Variants in MBP observed in about 807,000 individuals in gnomAD.
MBP encodes the protein Golli-MBP.
MBP carries 16 observed loss-of-function variants against 35.8 expected under a neutral mutation model. The observed-to-expected ratio is 0.45, with a 90% CI of 0.30 to 0.68. MBP has a LOEUF of 0.68. MBP is among the 30% of genes least tolerant of loss of function. The pLI, the probability that MBP is intolerant of heterozygous loss-of-function variation, is 0.08. For synonymous variants in MBP, 143 were observed against 159.6 expected (o/e 0.90, Z 0.78); for missense variants, 380 against 404.7 (o/e 0.94, Z 0.52).
chr18:77,109,446 T>C (rs892306983), intron 1 of MBP: 3 of 152,170 alleles, frequency 2.0e-5, no homozygotes, highest in African/African-American at 7.2e-5. Context: ...AGGAAGGACA[T>C]TCACGAGACA....
Position 77,131,025 on chromosome 18 carries a change from C to CAAAA in MBP, c.-26+1551_-26+1554dup, listed in dbSNP as rs56844180. Among the ~76,000 whole-genome samples, 357 of 130,088 alleles carry CAAAA rather than the reference C, an allele frequency of 2.7e-3. 5 individuals are homozygous for CAAAA. The highest frequency in any genetic ancestry group is 9.8e-3 in the African/African-American group (334 of 34,226). The allele number at this position is 130,088 out of a possible 152,430, so 85.3% of individuals were successfully genotyped here. On this transcript the variant is annotated intron_variant, in intron 1 of 8. Coordinates refer to ENST00000355994, the MANE Select transcript of MBP (RefSeq NM_001025101.2). The surrounding 1 kb of genome is among the most constrained non-coding windows in gnomAD (Gnocchi z 5.5). ...TTCCCTCAGATTTCTGTTTTTCCCA[C>CAAAA]AAAAAAAAAAAAAAAACAAAACCTC...
chr18:77,003,125 T>C (rs1245815479), intron 4 of MBP: 1 of 152,258 alleles, frequency 6.6e-6, no homozygotes, highest in East Asian at 1.9e-4. Context: ...CAATTTTCTC[T>C]GTCATTTTAA....
At chr18:77,091,571 T>A (rs1975521926) in intron 2 of MBP, among the ~76,000 whole-genome samples, 1 of 148,986 alleles carries the variant, frequency 6.7e-6, no homozygotes, top group Non-Finnish European at 1.5e-5. Context: ...GGATGACGTC[T>A]GCAGGGCAAG....
At chr18:77,084,227 T>A (rs972720100) in intron 2 of MBP, among the ~76,000 whole-genome samples, 1 of 152,050 alleles carries the variant, frequency 6.6e-6, no homozygotes, top group Admixed American at 6.5e-5. Flanking sequence ...TGGCAGTGTG[T>A]AAATAATGAG....
At chr18:77,040,411 A>G (rs1277302895) in intron 3 of MBP, among the ~76,000 whole-genome samples, 2 of 152,234 alleles carry the variant, frequency 1.3e-5, no homozygotes, top group African/African-American at 2.4e-5. Flanking sequence ...GACTTTCTTC[A>G]CAGAATTGGA....
In MBP at chr18:77,016,737, C is replaced by T. The variant is rs1464355410; in HGVS notation, c.576+95G>A. The T allele has an allele frequency of 8.6e-6, 13 of 1,518,296 alleles. No homozygotes were observed. In the Middle Eastern group the frequency reaches 5.2e-4, roughly 61 times the overall value. 94.1% of individuals were successfully genotyped at this position (1,518,296 alleles called of 1,614,324 possible). ...CGAGACCTTAGACAGCAAGAGGCTA[C>T]GTGCCAGTTCTTCCTCTAATGGCTG... On this transcript the variant is annotated intron_variant, in intron 4 of 8. Coordinates refer to ENST00000355994, the MANE Select transcript of MBP (RefSeq NM_001025101.2).
At chr18:77,090,995 AG>A (rs1975497459) in intron 2 of MBP, among the ~76,000 whole-genome samples, 2 of 152,238 alleles carry the variant, frequency 1.3e-5, no homozygotes, top group Admixed American at 6.5e-5. Context: ...CTGCTGTGAG[AG>A]GGCAGAGAGT....
intron 4 of MBP, chr18:77,009,733 G>A (rs557196267): frequency 1.1e-6 from 1 of 896,802 alleles, no homozygotes; most frequent in African/African-American, 1.7e-5. Flanking sequence ...ATGCCCCGGA[G>A]GCTGGGGGTG....
intron 2 of MBP, among the ~76,000 whole-genome samples, chr18:77,080,117 AC>A (rs1320856622): frequency 2.6e-5 from 4 of 152,228 alleles, no homozygotes; most frequent in African/African-American, 9.6e-5. Context: ...AGTTCTTATA[AC>A]CTTGCAAACT....
intron 4 of MBP, chr18:77,014,333 C>T (rs987291131): frequency 6.1e-6 from 6 of 985,334 alleles, no homozygotes; most frequent in African/African-American, 1.7e-5. Flanking sequence ...GGGAGGAGGA[C>T]AAACAGCCCC....
chr18:77,096,465 T>TAA (rs5826493), intron 2 of MBP, among the ~76,000 whole-genome samples: 2,047 of 151,560 alleles, frequency 0.014, 55 homozygotes, highest in East Asian at 0.068. Context: ...GCAGCTTAAA[T>TAA]AAAAAAAAAT....
At chr18:77,099,170 G>A (rs1016267599) in intron 2 of MBP, among the ~76,000 whole-genome samples, 1 of 152,184 alleles carries the variant, frequency 6.6e-6, no homozygotes, top group African/African-American at 2.4e-5. Context: ...AACGAGCAAT[G>A]GGTACCATGC....
At chr18:77,057,538 T>G (rs2144739930) in intron 3 of MBP, among the ~76,000 whole-genome samples, 3 of 152,174 alleles carry the variant, frequency 2.0e-5, no homozygotes, top group Middle Eastern at 3.4e-3. Flanking sequence ...AGTGATTATC[T>G]CTAAGGACAA....
chr18:77,118,622 A>C (rs1976777534), intron 1 of MBP, among the ~76,000 whole-genome samples: 1 of 136,580 alleles, frequency 7.3e-6, no homozygotes, highest in Non-Finnish European at 1.6e-5. Context: ...CCACACACAC[A>C]CACACACACA....
chr18:77,085,928 T>A (rs772874672), intron 2 of MBP, among the ~76,000 whole-genome samples: 2 of 152,034 alleles, frequency 1.3e-5, no homozygotes, highest in Non-Finnish European at 2.9e-5. Context: ...GTGATCCACC[T>A]GCCTCAGCCT....
chr18:76,985,057 G>A, intron 7 of MBP, 163 bp from the exon 8 acceptor site: 3 of 1,477,794 alleles, frequency 2.0e-6, no homozygotes, highest in Non-Finnish European at 2.7e-6. Flanking sequence ...AGGGGGTGGG[G>A]GCGGGAGAGG....
intron 2 of MBP, chr18:77,066,712 T>C (rs1397759535): frequency 5.5e-6 from 3 of 547,610 alleles, no homozygotes; most frequent in Non-Finnish European, 3.5e-6. Context: ...ACATAGTTAC[T>C]GCTTTAGATT....
chr18:77,038,656 T>C (rs1972867219), intron 3 of MBP, among the ~76,000 whole-genome samples: 1 of 152,248 alleles, frequency 6.6e-6, no homozygotes, highest in Non-Finnish European at 1.5e-5. Context: ...TATGGGTGCA[T>C]ATATGCATAT....
At chr18:77,069,031 T>C (rs531865071) in intron 2 of MBP, 2 of 481,660 alleles carry the variant, frequency 4.2e-6, no homozygotes, top group South Asian at 3.0e-5. Flanking sequence ...GCCTGTGACT[T>C]CTGCGGATTT....
Sources: gnomAD v4.1 joint callset for allele counts (sites outside exome capture counted in the v4.1 genomes callset) on GRCh38, gnomAD v4.1.1 for gene constraint, Gnocchi (gnomAD v3.1) non-coding constraint, MANE v1.5 for transcripts, NCBI Gene and HGNC (gene_info 2026-07-23, HGNC 2026-07-21) for gene names.